GTF2E2: variants seen among roughly 807,000 people sequenced by gnomAD.
GTF2E2 encodes transcription initiation factor IIE subunit beta.
GTF2E2 carries 21 observed loss-of-function variants against 40.5 expected under a neutral mutation model. The observed-to-expected ratio is 0.52, with a 90% confidence interval of 0.37 to 0.75. The LOEUF is 0.75. GTF2E2 is among the 30% of genes least tolerant of loss of function. The pLI is 0.00. For missense variants in GTF2E2, 298 were observed against 338.4 expected (o/e 0.88, Z 0.94); for synonymous variants, 117 against 121.6 (o/e 0.96, Z 0.25).
intron 2 of GTF2E2, among the ~76,000 whole-genome samples, chr8:30,650,997 G>C (rs1380888536): frequency 1.0e-4 from 14 of 139,188 alleles, no homozygotes; most frequent in Non-Finnish European, 1.9e-4. Flanking sequence ...CTGGGCAACA[G>C]AGCAAGACTC....
chr8:30,638,337 T>G (rs1282800438), intron 2 of GTF2E2, among the ~76,000 whole-genome samples: 1 of 152,192 alleles, frequency 6.6e-6, no homozygotes, highest in African/African-American at 2.4e-5. Context: ...ATCTGAAATT[T>G]TATAATGAAA....
chr8:30,640,751 C>T (rs1448680695), intron 2 of GTF2E2, among the ~76,000 whole-genome samples: 3 of 152,200 alleles, frequency 2.0e-5, no homozygotes, highest in Admixed American at 1.3e-4. Context: ...ATCGCCCAGG[C>T]TAGAGTGCAG....
intron 6 of GTF2E2, among the ~76,000 whole-genome samples, chr8:30,580,995 A>G (rs900146304): frequency 6.6e-6 from 1 of 152,218 alleles, no homozygotes; most frequent in African/African-American, 2.4e-5. Flanking sequence ...GCTTGTCTTC[A>G]GAAACCTGTA....
At chr8:30,620,241 C>CACAA (rs752162359) in intron 3 of GTF2E2, among the ~76,000 whole-genome samples, 76 of 150,602 alleles carry the variant, frequency 5.0e-4, no homozygotes, top group South Asian at 1.3e-3. Flanking sequence ...CACACACAAA[C>CACAA]ACACACACAC....
chr8:30,610,607 C>T (rs765552020), intron 5 of GTF2E2, among the ~76,000 whole-genome samples: 25 of 152,192 alleles, frequency 1.6e-4, no homozygotes, highest in Admixed American at 4.6e-4. Flanking sequence ...GGGCAAAGGA[C>T]GGTCTCTTCA....
At chr8:30,618,447 G>C (rs1800988906) in intron 3 of GTF2E2, among the ~76,000 whole-genome samples, 1 of 152,102 alleles carries the variant, frequency 6.6e-6, no homozygotes, top group Non-Finnish European at 1.5e-5. Context: ...TCCTGAGGCG[G>C]GCCTGGGAAT....
intron 2 of GTF2E2, among the ~76,000 whole-genome samples, chr8:30,640,316 G>T (rs770472537): frequency 1.3e-5 from 2 of 152,058 alleles, no homozygotes; most frequent in Non-Finnish European, 2.9e-5. Context: ...TTCTCATCTG[G>T]CAACCCAAAG....
intron 3 of GTF2E2, among the ~76,000 whole-genome samples, chr8:30,633,165 T>C (rs555198615): frequency 2.6e-5 from 4 of 152,178 alleles, no homozygotes; most frequent in Non-Finnish European, 5.9e-5. Flanking sequence ...GAAAAACATT[T>C]TAAATTTTGA....
At chr8:30,652,632 T>C (rs1206932253) in intron 2 of GTF2E2, among the ~76,000 whole-genome samples, 1 of 151,754 alleles carries the variant, frequency 6.6e-6, no homozygotes, top group African/African-American at 2.4e-5. Context: ...AAATATAAAA[T>C]GGTACAGCTA....
intron 5 of GTF2E2, among the ~76,000 whole-genome samples, chr8:30,607,738 C>T (rs931420060): frequency 5.9e-5 from 9 of 152,120 alleles, no homozygotes; most frequent in African/African-American, 1.9e-4. Flanking sequence ...TATTTGGGTC[C>T]ATGGGGCTCT....
chr8:30,601,386 C>T (rs1300943671), intron 6 of GTF2E2, among the ~76,000 whole-genome samples: 4 of 152,174 alleles, frequency 2.6e-5, no homozygotes, highest in Non-Finnish European at 5.9e-5. Context: ...GACCTTTAAC[C>T]AAGTTCCCAA....
intron 2 of GTF2E2, chr8:30,643,862 A>C (rs975040061): frequency 1.3e-5 from 2 of 152,144 alleles, no homozygotes; most frequent in African/African-American, 2.4e-5. Flanking sequence ...GTTTTCGTTA[A>C]ATGAAACACT....
chr8:30,608,858 C>G (rs1348677614), intron 5 of GTF2E2, among the ~76,000 whole-genome samples: 1 of 152,224 alleles, frequency 6.6e-6, no homozygotes, highest in Non-Finnish European at 1.5e-5. Context: ...ACGCCATTCT[C>G]CTGCCTCAGC....
rs5890528 is a variant in GTF2E2, at chr8:30,619,390, CTTTTT to C, written c.259-4680_259-4676del. On this transcript the variant is annotated intron_variant, in intron 3 of 7. Coordinates refer to ENST00000355904, the MANE Select transcript of GTF2E2 (RefSeq NM_002095.6). Reference sequence around the variant, plus strand: ...TTTTGATATATTTTGCATAAACTGACTTTTTTTTTTTTTTTGAGACGGAGTTTCGC... The same window carrying C: ...TTTTGATATATTTTGCATAAACTGACTTTTTTTTTTGAGACGGAGTTTCGC... Among the ~76,000 whole-genome samples, 308 of 142,068 alleles carry C rather than the reference CTTTTT, an allele frequency of 2.2e-3. 2 individuals are homozygous for C. Among genetic ancestry groups the C allele is most frequent in the African/African-American group, 7.7e-3 (295 of 38,536 alleles). 93.2% of individuals were successfully genotyped at this position (142,068 alleles called of 152,430 possible). A position where few individuals can be genotyped will look rare whatever the true frequency, so the allele number is the denominator to read the frequency against.
intron 6 of GTF2E2, among the ~76,000 whole-genome samples, chr8:30,594,112 G>C (rs1585942622): frequency 6.6e-6 from 1 of 152,072 alleles, no homozygotes; most frequent in East Asian, 1.9e-4. Flanking sequence ...TGTATTTTTA[G>C]TAGAGATGAG....
intron 6 of GTF2E2, among the ~76,000 whole-genome samples, chr8:30,581,915 T>A (rs975955074): frequency 2.0e-5 from 3 of 152,228 alleles, no homozygotes; most frequent in Non-Finnish European, 4.4e-5. Context: ...CACTGTCTAC[T>A]ACAGCCTAGA....
chr8:30,646,591 CA>C (rs1586006333), intron 2 of GTF2E2, among the ~76,000 whole-genome samples: 1 of 152,068 alleles, frequency 6.6e-6, no homozygotes, highest in East Asian at 1.9e-4. Context: ...GCTCAAGGTA[CA>C]AAGATTTTTT....
chr8:30,644,295 C>A (rs1253383660), intron 2 of GTF2E2, among the ~76,000 whole-genome samples: 3 of 152,048 alleles, frequency 2.0e-5, no homozygotes, highest in Non-Finnish European at 2.9e-5. Context: ...TAACTGATAC[C>A]TTTGGGAGGG....
chr8:30,631,898 AG>A (rs1367064065), intron 3 of GTF2E2, among the ~76,000 whole-genome samples: 1 of 152,188 alleles, frequency 6.6e-6, no homozygotes, highest in Non-Finnish European at 1.5e-5. Flanking sequence ...CCCTGAGCCC[AG>A]GAGTTCAAGA....
Sources: allele counts gnomAD v4.1 joint callset (sites outside exome capture counted in the v4.1 genomes callset), GRCh38; gene constraint gnomAD v4.1.1; transcripts MANE v1.5; gene names NCBI Gene and HGNC (gene_info 2026-07-23, HGNC 2026-07-21).